Variants in EIF3H observed in about 807,000 individuals in gnomAD.
EIF3H encodes eIF-3-gamma.
Under a neutral mutation model 44.2 loss-of-function variants are expected in EIF3H, and 26 were observed. That is an observed-to-expected ratio of 0.59 (90% CI 0.43 to 0.82). The LOEUF (loss-of-function observed/expected upper bound fraction) is 0.82, where lower values mean the gene tolerates loss of function less well. EIF3H is among the 40% of genes least tolerant of loss of function. The pLI, the probability that EIF3H is intolerant of heterozygous loss-of-function variation, is 0.00. For missense variants in EIF3H, 359 were observed against 432.8 expected (o/e 0.83, Z 1.51); for synonymous variants, 166 against 151.9 (o/e 1.09, Z -0.68).
At chr8:116,764,289 A>G (rs903119595) in intron 1 of EIF3H, among the ~76,000 whole-genome samples, 18 of 152,214 alleles carry the variant, frequency 1.2e-4, no homozygotes, top group Non-Finnish European at 2.1e-4. Flanking sequence ...TCAAAATAAA[A>G]TTTCAGATTT....
chr8:116,668,136 T>C (rs1813698098), intron 2 of EIF3H, among the ~76,000 whole-genome samples: 2 of 152,250 alleles, frequency 1.3e-5, no homozygotes, highest in Admixed American at 1.3e-4. Flanking sequence ...AACTACCTTC[T>C]GAGTAGACTT....
chr8:116,648,487 T>C (rs1439914051), intron 6 of EIF3H, among the ~76,000 whole-genome samples: 1 of 152,154 alleles, frequency 6.6e-6, no homozygotes, highest in Non-Finnish European at 1.5e-5. Flanking sequence ...CCAAACCAAT[T>C]ATAGTTAGTA....
chr8:116,752,561 T>G (rs1815359645), intron 1 of EIF3H, among the ~76,000 whole-genome samples: 1 of 151,562 alleles, frequency 6.6e-6, no homozygotes, highest in African/African-American at 2.4e-5. Flanking sequence ...AGGTCATGCT[T>G]ACTGCTGGAA....
chr8:116,740,178 C>T (rs1815106997), intron 1 of EIF3H, among the ~76,000 whole-genome samples: 1 of 152,196 alleles, frequency 6.6e-6, no homozygotes, highest in Admixed American at 6.5e-5. Context: ...AGCACGTAAA[C>T]AGTTATTTCC....
intron 2 of EIF3H, among the ~76,000 whole-genome samples, chr8:116,696,443 A>G (rs1054169768): frequency 6.6e-6 from 1 of 152,190 alleles, no homozygotes; most frequent in Non-Finnish European, 1.5e-5. Context: ...AATTTCTTAA[A>G]AGAGAATAGT....
intron 2 of EIF3H, among the ~76,000 whole-genome samples, chr8:116,725,378 G>A (rs1241162571): frequency 6.6e-6 from 1 of 152,194 alleles, no homozygotes; most frequent in Non-Finnish European, 1.5e-5. Flanking sequence ...TAACACTACT[G>A]TAATGTATAC....
intron 1 of EIF3H, among the ~76,000 whole-genome samples, chr8:116,733,580 T>G (rs535028470): frequency 6.6e-6 from 1 of 152,172 alleles, no homozygotes; most frequent in Admixed American, 6.5e-5. Context: ...CTAAAGATAT[T>G]TCATGTATTT....
At chr8:116,714,902 T>C (rs1814637029) in intron 2 of EIF3H, among the ~76,000 whole-genome samples, 12 of 152,068 alleles carry the variant, frequency 7.9e-5, no homozygotes, top group Admixed American at 7.9e-4. Flanking sequence ...TCTAAAGCAA[T>C]ACAAAGGCAA....
At chr8:116,657,661 ATAAATAT>A (rs1813514186) in intron 3 of EIF3H, 1 of 217,096 alleles carries the variant, frequency 4.6e-6, no homozygotes. Flanking sequence ...GAAATCACTG[ATAAATAT>A]TAAACATGAA....
chr8:116,680,204 G>GT (rs1217661944), intron 2 of EIF3H, among the ~76,000 whole-genome samples: 3 of 64,094 alleles, frequency 4.7e-5, no homozygotes, highest in Admixed American at 1.2e-4. Flanking sequence ...AGGGTGGGGG[G>GT]GGGGGTCAGC....
chr8:116,703,716 A>G (rs1814419714), intron 2 of EIF3H, among the ~76,000 whole-genome samples: 1 of 152,062 alleles, frequency 6.6e-6, no homozygotes, highest in Non-Finnish European at 1.5e-5. Context: ...CACACTCCTT[A>G]CCCTGCCCCC....
Position 116,648,846 on chromosome 8 carries a change from T to G in EIF3H, c.788A>C (p.Tyr263Ser). The G allele has an allele frequency of 6.2e-7, 1 of 1,611,406 alleles. No homozygotes were observed. Among genetic ancestry groups the G allele is most frequent in the Non-Finnish European group, 8.5e-7 (1 of 1,178,784 alleles). Residue 263 changes from tyrosine to serine, a missense_variant, in exon 6 of 8, where the codon TAC (tyrosine) becomes TCC (serine). This residue lies in a region of EIF3H where 30 missense variants were observed against 59.5 expected (regional missense o/e 0.50). Transcript: ENST00000521861. ...MSQDIVKYNT[Y>S]MRNTSKQQQQ... Reference sequence around the variant, plus strand: ...CTGTTGTTTACTAGTATTCCTCATGTATGTGTTGTATTTAACTATATCTTG... The same window carrying G: ...CTGTTGTTTACTAGTATTCCTCATGGATGTGTTGTATTTAACTATATCTTG...
chr8:116,652,732 C>G (rs1448341461), intron 5 of EIF3H, among the ~76,000 whole-genome samples: 1 of 147,524 alleles, frequency 6.8e-6, no homozygotes, highest in African/African-American at 2.5e-5. Context: ...AAAATTTAAA[C>G]ATAAATTTTT....
At chr8:116,701,901 T>C (rs970537022) in intron 2 of EIF3H, among the ~76,000 whole-genome samples, 1 of 151,906 alleles carries the variant, frequency 6.6e-6, no homozygotes, top group Middle Eastern at 3.2e-3. Flanking sequence ...AAATTCTGCA[T>C]TTTAGTTAAT....
upstream of EIF3H, among the ~76,000 whole-genome samples, chr8:116,759,327 TGCCTGGGGACAGGAAGCAGAGGATA>T (rs1461209526): frequency 6.6e-6 from 1 of 152,220 alleles, no homozygotes; most frequent in East Asian, 1.9e-4. Flanking sequence ...GTGTGATTAC[TGCCTGGGGACAGGAAGCAGAGGATA>T]GCCTGTCACA....
intron 2 of EIF3H, among the ~76,000 whole-genome samples, chr8:116,669,204 A>G (rs1813713920): frequency 6.6e-6 from 1 of 152,254 alleles, no homozygotes; most frequent in African/African-American, 2.4e-5. Context: ...TATATTCAGT[A>G]CAATAAAGAA....
intron 2 of EIF3H, among the ~76,000 whole-genome samples, chr8:116,663,917 C>A (rs965375680): frequency 7.8e-6 from 1 of 128,174 alleles, no homozygotes; most frequent in Admixed American, 9.7e-5. Context: ...GGAGACAGAG[C>A]GAGACTCAGT....
intron 2 of EIF3H, 116 bp downstream of exon 2, chr8:116,725,900 G>T: frequency 8.0e-7 from 1 of 1,251,098 alleles, no homozygotes. Context: ...GACATCAAGT[G>T]AAGTAGGCTA....
chr8:116,765,300 G>A (rs1206579170), intron 1 of EIF3H, among the ~76,000 whole-genome samples: 2 of 152,108 alleles, frequency 1.3e-5, no homozygotes, highest in African/African-American at 4.8e-5. Flanking sequence ...TGATGTGCTG[G>A]GACTCAGATC....
Sources: allele counts gnomAD v4.1 joint callset (sites outside exome capture counted in the v4.1 genomes callset), GRCh38; gene constraint gnomAD v4.1.1; regional missense constraint gnomAD v4.1.1; transcripts MANE v1.5; gene names NCBI Gene and HGNC (gene_info 2026-07-23, HGNC 2026-07-21).